The following CAPRIN2 variants were observed in gnomAD, a reference collection of about 807,000 sequenced individuals.
CAPRIN2 encodes caprin-2.
Under a neutral mutation model 130.4 loss-of-function variants are expected in CAPRIN2, and 66 were observed. That is an observed-to-expected ratio of 0.51 (90% CI 0.42 to 0.62). The LOEUF (loss-of-function observed/expected upper bound fraction) is 0.62, where lower values mean the gene tolerates loss of function less well. Ranked by LOEUF, CAPRIN2 falls within the 20% of genes least tolerant of loss-of-function variation. The pLI, the probability that CAPRIN2 is intolerant of heterozygous loss-of-function variation, is 0.00. For missense variants in CAPRIN2, 1,185 were observed against 1,246.6 expected, an observed-to-expected ratio of 0.95 and a Z score of 0.74; for synonymous variants, 471 against 444.1, an observed-to-expected ratio of 1.06 and a Z score of -0.76.
chr12:30,732,281 TTAGC>T, intron 5 of CAPRIN2, among the ~76,000 whole-genome samples: 1 of 152,146 alleles, frequency 6.6e-6, no homozygotes, highest in African/African-American at 2.4e-5. Context: ...AATCCCAAAC[TTAGC>T]AGAGTTTCCG....
intron 2 of CAPRIN2, among the ~76,000 whole-genome samples, chr12:30,741,730 G>T (rs2139127303): frequency 6.6e-6 from 1 of 152,164 alleles, no homozygotes; most frequent in Admixed American, 6.5e-5. Context: ...ACAAGGTGGA[G>T]AACCTGTGCA....
chr12:30,709,873 T>A lies in CAPRIN2; in HGVS notation c.*29A>T, dbSNP rs189968218. 3.2e-6 allele frequency: 5 copies of A among 1,567,762 alleles called. No homozygotes were observed. In the African/African-American group the frequency reaches 4.1e-5, roughly 13 times the overall value. ...TTCAATCCCACTAATTAGAACACCA[T>A]CCTTTTATTGTCAATACTGTACTGA... is the stretch of plus-strand genomic sequence containing the variant. On this transcript the variant is annotated 3_prime_UTR_variant, in exon 17 of 17. Coordinates refer to ENST00000298892, the Ensembl canonical transcript of CAPRIN2.
Position 30,751,140 on chromosome 12 carries a change from A to G in CAPRIN2, c.421-7T>C. The G allele has an allele frequency of 6.2e-7, 1 of 1,611,582 alleles. No homozygotes were observed. Among genetic ancestry groups the G allele is most frequent in the South Asian group, 1.1e-5 (1 of 91,026 alleles). ...TATAATCCTCCAGTTTGAGCTACAA[A>G]AGAGAAACTTGTATCTACCATAGTC... On this transcript the variant is annotated splice_polypyrimidine_tract_variant and splice_region_variant and intron_variant, in intron 1 of 16. Coordinates refer to ENST00000298892, the Ensembl canonical transcript of CAPRIN2.
intron 3 of CAPRIN2, among the ~76,000 whole-genome samples, chr12:30,740,774 T>G (rs540970587): frequency 6.6e-6 from 1 of 152,222 alleles, no homozygotes; most frequent in African/African-American, 2.4e-5. Context: ...TAACATACAT[T>G]AGATAACTAA....
chr12:30,717,268 T>C (rs142149986), intron 12 of CAPRIN2, among the ~76,000 whole-genome samples: 64 of 152,326 alleles, frequency 4.2e-4, no homozygotes, highest in Admixed American at 1.4e-3. Context: ...GAAATCCTGA[T>C]ACACTGTATA....
chr12:30,731,671 T>C (rs1400430879), intron 5 of CAPRIN2, among the ~76,000 whole-genome samples, 161 bp from the exon 7 acceptor site: 1 of 152,144 alleles, frequency 6.6e-6, no homozygotes, highest in East Asian at 1.9e-4. Flanking sequence ...TACACTTTCA[T>C]GGTACTGACT....
intron 2 of CAPRIN2, among the ~76,000 whole-genome samples, chr12:30,747,297 A>G (rs552127518): frequency 2.0e-5 from 3 of 152,186 alleles, no homozygotes; most frequent in Admixed American, 6.5e-5. Flanking sequence ...GAAATACACA[A>G]ATCAATGATG....
intron 2 of CAPRIN2, among the ~76,000 whole-genome samples, chr12:30,749,563 C>G (rs566866072): frequency 3.3e-5 from 5 of 152,158 alleles, no homozygotes; most frequent in Admixed American, 3.3e-4. Flanking sequence ...AGTGAGCAGA[C>G]TTGCTGATGA....
chr12:30,742,920 T>G (rs1341625794), intron 2 of CAPRIN2, among the ~76,000 whole-genome samples: 4 of 152,118 alleles, frequency 2.6e-5, no homozygotes, highest in Admixed American at 1.3e-4. Flanking sequence ...GAAACAAGAA[T>G]GAGCAGATAA....
At chr12:30,721,143 A>G (rs1481910075) in intron 11 of CAPRIN2, among the ~76,000 whole-genome samples, 6 of 152,186 alleles carry the variant, frequency 3.9e-5, no homozygotes, top group Admixed American at 3.9e-4. Flanking sequence ...AGGTTAAGAC[A>G]TTTGCCCAAG....
At position 30,710,621 on chromosome 12, in the gene CAPRIN2, G is replaced by T. The variant is rs1369619761; in HGVS notation, c.2666-151C>A. 1 of 1,213,234 alleles carries T rather than the reference G, an allele frequency of 8.2e-7. No homozygotes were observed. Among genetic ancestry groups the T allele is most frequent in the Non-Finnish European group, 1.1e-6 (1 of 895,276 alleles). The allele number at this position is 1,213,234 out of a possible 1,614,324, so 75.2% of individuals were successfully genotyped here. On this transcript the variant is annotated intron_variant, in intron 16 of 16. Coordinates refer to ENST00000298892, the Ensembl canonical transcript of CAPRIN2. The surrounding 1 kb of genome is among the most constrained non-coding windows in gnomAD (Gnocchi z 4.8). Reference sequence around the variant, plus strand: ...TATATAGCTAGATTATACTTTTCTAGATTTTTCTGGTAATAGGTTTTTACA... The same window carrying T: ...TATATAGCTAGATTATACTTTTCTATATTTTTCTGGTAATAGGTTTTTACA...
intron 3 of CAPRIN2, among the ~76,000 whole-genome samples, chr12:30,738,586 G>A (rs1444186855): frequency 6.6e-6 from 1 of 152,132 alleles, no homozygotes; most frequent in Non-Finnish European, 1.5e-5. Context: ...GGGCTTTTAT[G>A]CAGCAAAAGA....
At chr12:30,714,096 T>G (rs898155453) in intron 14 of CAPRIN2, among the ~76,000 whole-genome samples, 1 of 152,206 alleles carries the variant, frequency 6.6e-6, no homozygotes, top group Non-Finnish European at 1.5e-5. Context: ...GTTTATAAAT[T>G]TACTACTGCT....
intron 2 of CAPRIN2, among the ~76,000 whole-genome samples, chr12:30,750,803 C>T (rs1211813831): frequency 6.6e-6 from 1 of 152,166 alleles, no homozygotes; most frequent in Non-Finnish European, 1.5e-5. Flanking sequence ...TAACTTAAAT[C>T]TGTATGTTAA....
intron 11 of CAPRIN2, among the ~76,000 whole-genome samples, chr12:30,722,565 A>T (rs1489010029): frequency 2.0e-5 from 3 of 152,146 alleles, no homozygotes; most frequent in Non-Finnish European, 4.4e-5. Context: ...GAATTGGAGG[A>T]AAGTAGGAAA....
At chr12:30,722,271 T>C (rs1294709048) in intron 11 of CAPRIN2, among the ~76,000 whole-genome samples, 1 of 152,198 alleles carries the variant, frequency 6.6e-6, no homozygotes, top group African/African-American at 2.4e-5. Flanking sequence ...TTGAAACCAA[T>C]GTTCCAAAAA....
chr12:30,731,579 A>C lies in CAPRIN2; in HGVS notation c.893-69T>G, dbSNP rs147283494. 1.5e-3 allele frequency: 1,915 copies of C among 1,251,416 alleles called. 14 individuals are homozygous for C. The African/African-American group carries it at 0.024, about 16-fold the overall frequency. The allele number at this position is 1,251,416 out of a possible 1,614,324, so 77.5% of individuals were successfully genotyped here. On this transcript the variant is annotated intron_variant, in intron 5 of 16. Transcript: ENST00000298892. ...GAAAATTACTGGGAATAGAAATCCT[A>C]ATTTTATCCTAGTTGTAGTACATTG... is the stretch of plus-strand genomic sequence containing the variant.
At chr12:30,719,316 G>A (rs1436126547) in intron 12 of CAPRIN2, 91 bp from the exon 14 acceptor site, 1 of 1,431,398 alleles carries the variant, frequency 7.0e-7, no homozygotes, top group Non-Finnish European at 9.7e-7. Context: ...AAGTCAGCAA[G>A]TTCTTTAGGA....
At chr12:30,716,569 T>A in exon 13 of CAPRIN2, 1 of 1,614,038 alleles carries the variant, frequency 6.2e-7, no homozygotes, top group Non-Finnish European at 8.5e-7. Flanking sequence ...ACTGGGGTGG[T>A]GTTTGTGTAC....
Sources: allele counts gnomAD v4.1 joint callset (sites outside exome capture counted in the v4.1 genomes callset), GRCh38; gene constraint gnomAD v4.1.1; non-coding constraint Gnocchi (gnomAD v3.1); transcripts MANE v1.5; gene names NCBI Gene and HGNC (gene_info 2026-07-23, HGNC 2026-07-21).